ACVR1C: variants seen among roughly 807,000 people sequenced by gnomAD.
ACVR1C encodes the protein activin receptor type-1C.
Under a neutral mutation model 57.9 loss-of-function variants are expected in ACVR1C, and 23 were observed. The ratio of observed to expected loss-of-function variants is 0.40; its 90% CI spans 0.29 to 0.56. The LOEUF is 0.56. Among genes scored for constraint, ACVR1C ranks in the 20% least tolerant of loss-of-function variants. The pLI is 0.50. For missense variants in ACVR1C, 480 were observed against 607.9 expected (o/e 0.79, Z 2.21); for synonymous variants, 214 against 215.3 (o/e 0.99, Z 0.05).
intron 1 of ACVR1C, among the ~76,000 whole-genome samples, chr2:157,620,120 A>T (rs1682736261): frequency 6.6e-6 from 1 of 152,084 alleles, no homozygotes. Context: ...ATGCCTTTTC[A>T]TAGAACATAG....
intron 1 of ACVR1C, among the ~76,000 whole-genome samples, chr2:157,623,256 G>T (rs1401740857): frequency 1.3e-5 from 2 of 152,140 alleles, no homozygotes; most frequent in African/African-American, 4.8e-5. Context: ...CCCACTGATG[G>T]ATATAACCCA....
In ACVR1C at chr2:157,538,577, C is replaced by T; in HGVS notation, c.1352G>A (p.Cys451Tyr). The change falls in exon 8 of 9, where the codon TGT (cysteine) becomes TAT (tyrosine). Residue 451 changes from cysteine to tyrosine, a missense_variant. Cys to Tyr is a radical substitution (Grantham distance 194, BLOSUM62 -2). Transcript: ENST00000243349. ...RPSIPNQWQS[C>Y]EALRVMGRIM... is the part of the protein sequence containing the mutation. ...TAGATAAAAACATGGCCTTACTTCACAACTTTGCCACTGGTTTGGGATACT... is the reference window on the plus strand; with the variant it reads ...TAGATAAAAACATGGCCTTACTTCATAACTTTGCCACTGGTTTGGGATACT... The T allele has an allele frequency of 6.4e-7, 1 of 1,557,154 alleles. No homozygotes were observed. Among genetic ancestry groups the T allele is most frequent in the East Asian group, 2.4e-5 (1 of 42,530 alleles).
intron 1 of ACVR1C, among the ~76,000 whole-genome samples, chr2:157,594,648 G>A (rs1039575285): frequency 1.3e-5 from 2 of 152,096 alleles, no homozygotes. Flanking sequence ...GCCTGAAAAT[G>A]TTCATAGCCT....
chr2:157,550,105 A>T, intron 4 of ACVR1C, 57 bp downstream of exon 4: 1 of 1,448,350 alleles, frequency 6.9e-7, no homozygotes, highest in Non-Finnish European at 9.5e-7. Context: ...TTTTTGAGAC[A>T]GAGTCTCGCT....
chr2:157,627,932 G>C (rs901694340), intron 1 of ACVR1C, among the ~76,000 whole-genome samples: 3 of 152,186 alleles, frequency 2.0e-5, no homozygotes, highest in Non-Finnish European at 2.9e-5. Context: ...GCACAGACCT[G>C]TTATAAACTC....
chr2:157,565,555 C>T (rs1688348295), intron 2 of ACVR1C, among the ~76,000 whole-genome samples: 1 of 152,112 alleles, frequency 6.6e-6, no homozygotes, highest in Non-Finnish European at 1.5e-5. Context: ...CAATATGAAC[C>T]TTATATACTG....
chr2:157,561,064 A>G (rs757359079), intron 2 of ACVR1C, among the ~76,000 whole-genome samples: 3 of 152,242 alleles, frequency 2.0e-5, no homozygotes, highest in Non-Finnish European at 4.4e-5. Flanking sequence ...AAAATTGTTT[A>G]GAAACAAACA....
intron 2 of ACVR1C, among the ~76,000 whole-genome samples, chr2:157,563,448 T>C (rs1688289172): frequency 6.6e-6 from 1 of 152,152 alleles, no homozygotes; most frequent in Non-Finnish European, 1.5e-5. Context: ...TACAAACCAC[T>C]GCTCAAGAAA....
intron 4 of ACVR1C, among the ~76,000 whole-genome samples, chr2:157,548,509 C>G (rs573570385): frequency 6.6e-6 from 1 of 151,848 alleles, no homozygotes; most frequent in South Asian, 2.1e-4. Flanking sequence ...GGAGGCATCA[C>G]ACTACCTGAC....
intron 1 of ACVR1C, among the ~76,000 whole-genome samples, chr2:157,626,685 C>T (rs779320101): frequency 6.6e-6 from 1 of 152,178 alleles, no homozygotes; most frequent in Non-Finnish European, 1.5e-5. Flanking sequence ...AACAAAACTA[C>T]CTTGAATCTT....
chr2:157,554,201 G>GAGAA (rs70987797), intron 3 of ACVR1C, among the ~76,000 whole-genome samples: 2,824 of 41,390 alleles, frequency 0.068, 303 homozygotes, highest in Middle Eastern at 0.085. Context: ...ATAAAGAAGA[G>GAGAA]AGAAAGAAAG....
intron 1 of ACVR1C, among the ~76,000 whole-genome samples, chr2:157,597,077 C>T (rs1399823563): frequency 6.6e-6 from 1 of 152,038 alleles, no homozygotes; most frequent in Non-Finnish European, 1.5e-5. Context: ...GCCTTCCTGC[C>T]GTTCGGAGGA....
Position 157,542,819 on chromosome 2 carries a change from G to A in ACVR1C, c.987C>T (p.Ile329=). The change falls in exon 6 of 9, where the codon ATC becomes ATT. Residue 329 remains isoleucine, a synonymous_variant. Transcript: ENST00000243349. ...IAHRDIKSKN[I]LVKKCETCAI... ...CACAAGTTTCACACTTTTTCACTAA[G>A]ATATTCTTTGATTTTATGTCTCGAT... 1.2e-6 allele frequency: 2 copies of A among 1,613,986 alleles called. No homozygotes were observed. Among genetic ancestry groups the A allele is most frequent in the Non-Finnish European group, 1.7e-6 (2 of 1,179,946 alleles).
rs111326147 is a variant in ACVR1C at position 157,624,825 on chromosome 2, C to A, written c.73+3747G>T. On this transcript the variant is annotated intron_variant, in intron 1 of 8. Coordinates refer to ENST00000243349, the MANE Select transcript of ACVR1C (RefSeq NM_145259.3). ...AATGGTTTATCTCACAACAGGACTT[C>A]TTTTATGTTGGTTTGCAAGATAAAA... Among the ~76,000 whole-genome samples the A allele has an allele frequency of 3.5e-3, 526 of 152,240 alleles. 3 individuals are homozygous for A. Among genetic ancestry groups the A allele is most frequent in the Non-Finnish European group, 3.4e-3 (232 of 68,020 alleles).
chr2:157,550,104 C>A, intron 4 of ACVR1C, 58 bp downstream of exon 4: 1 of 1,421,432 alleles, frequency 7.0e-7, no homozygotes, highest in South Asian at 1.3e-5. Context: ...TTTTTTGAGA[C>A]AGAGTCTCGC....
intron 2 of ACVR1C, among the ~76,000 whole-genome samples, chr2:157,575,131 C>CTT (rs578208823): frequency 1.3e-3 from 177 of 137,646 alleles, no homozygotes; most frequent in Middle Eastern, 3.9e-3. Flanking sequence ...CCGGCAAGTT[C>CTT]TTTTTTTTTT....
rs780479388 is a variant in ACVR1C at position 157,532,656 on chromosome 2, G to C, written c.*1262C>G. On this transcript the variant is annotated 3_prime_UTR_variant, in exon 9 of 9. Coordinates refer to ENST00000243349, the MANE Select transcript of ACVR1C (RefSeq NM_145259.3). ...CATTACTCTGTGTCCACAGAAAGTA[G>C]AATGAAGGCAAAACTATCATGAGCA... is the stretch of plus-strand genomic sequence containing the variant. 4 of 152,104 alleles carry C rather than the reference G, an allele frequency of 2.6e-5. No individual in the cohort carries two copies. The highest frequency in any genetic ancestry group is 5.9e-5 in the Non-Finnish European group (4 of 68,006). The allele number at this position is 152,104 out of a possible 1,614,324, so 9.4% of individuals were successfully genotyped here.
At position 157,612,705 on chromosome 2, in the gene ACVR1C, T is replaced by A. The variant is rs1682560176; in HGVS notation, c.73+15867A>T. ...TGTGCCAGGAGCCACCTCCTTGGTG[T>A]GCTGCACAGTTCCTTCCCCAGAGAG... On this transcript the variant is annotated intron_variant, in intron 1 of 8. Transcript: ENST00000243349. Among the ~76,000 whole-genome samples, 3 of 152,214 alleles carry A rather than the reference T, an allele frequency of 2.0e-5. No homozygotes were observed. The South Asian group carries it at 6.2e-4, about 32-fold the overall frequency.
In ACVR1C at chr2:157,585,732, T is replaced by TA. The variant is rs1253131700; in HGVS notation, c.304+1454dup. 2.0e-5 allele frequency among the ~76,000 whole-genome samples: 3 copies of TA among 151,972 alleles called. No homozygotes were observed. The East Asian group carries it at 5.8e-4, about 29-fold the overall frequency. ...TCTGGAGCACAGATAAACTGGGGGA[T>TA]AAAATATAAGGAAACAAGTGCCCAT... On this transcript the variant is annotated intron_variant, in intron 2 of 8. Transcript: ENST00000243349.
Sources: gnomAD v4.1 joint callset for allele counts (sites outside exome capture counted in the v4.1 genomes callset) on GRCh38, gnomAD v4.1.1 for gene constraint, MANE v1.5 for transcripts, NCBI Gene and HGNC (gene_info 2026-07-23, HGNC 2026-07-21) for gene names.